Variants in CLDN18 observed in about 807,000 individuals in gnomAD.
CLDN18 encodes the protein claudin-18.
In CLDN18, 20 loss-of-function variants were observed where a neutral mutation model predicts 25.0. The ratio of observed to expected loss-of-function variants is 0.80; its 90% CI spans 0.56 to 1.16. CLDN18 has a LOEUF of 1.16. CLDN18 is among the 50% of genes most tolerant of loss of function. CLDN18 has a pLI of 0.00. For synonymous variants in CLDN18, 125 were observed against 135.6 expected, an observed-to-expected ratio of 0.92 and a Z score of 0.54; for missense variants, 297 against 345.4, an observed-to-expected ratio of 0.86 and a Z score of 1.11.
intron 3 of CLDN18, 80 bp from the exon 4 acceptor site, chr3:138,029,717 G>C: frequency 8.5e-6 from 7 of 827,882 alleles, no homozygotes; most frequent in Non-Finnish European, 1.3e-5. Flanking sequence ...GGGACAGAAA[G>C]AACAGGCACA....
At chr3:138,024,916 T>A (rs1942307624) in intron 3 of CLDN18, among the ~76,000 whole-genome samples, 192 bp downstream of exon 3, 1 of 152,260 alleles carries the variant, frequency 6.6e-6, no homozygotes, top group African/African-American at 2.4e-5. Context: ...TCCTTGGTGA[T>A]ATGACTTGAG....
At chr3:138,004,408 G>C (rs182822475) in intron 1 of CLDN18, among the ~76,000 whole-genome samples, 3 of 152,044 alleles carry the variant, frequency 2.0e-5, no homozygotes, top group East Asian at 1.9e-4. Flanking sequence ...GTTTCCCCAT[G>C]GGAACTTGAC....
At position 138,010,168 on chromosome 3, in the gene CLDN18, C is replaced by T; in HGVS notation, c.-58C>T. ...CCCTCAGGAGCGCGTTAGCTTCACA[C>T]CTTCGGCAGCAGGAGGGCGGCAGCT... On this transcript the variant is annotated 5_prime_UTR_variant, in exon 1 of 5. Transcript: ENST00000183605. 2 of 1,582,606 alleles carry T rather than the reference C, an allele frequency of 1.3e-6. No individual in the cohort carries two copies. The highest frequency in any genetic ancestry group is 1.8e-5 in the Admixed American group (1 of 56,700).
At chr3:138,005,033 GA>G (rs1408979170) in intron 1 of CLDN18, 1 of 151,886 alleles carries the variant, frequency 6.6e-6, no homozygotes, top group Admixed American at 6.6e-5. Context: ...TAATCAATGG[GA>G]AAAGATGTTT....
At chr3:138,013,058 G>C (rs915929649) in intron 1 of CLDN18, among the ~76,000 whole-genome samples, 17 of 152,218 alleles carry the variant, frequency 1.1e-4, no homozygotes, top group African/African-American at 4.1e-4. Context: ...GCCTGGTAGA[G>C]TGAGTATTTA....
In CLDN18 at chr3:138,024,675, G is replaced by A. The variant is rs1365403895; in HGVS notation, c.454G>A (p.Ala152Thr). Residue 152 changes from alanine (A) to threonine (T), a missense_variant, in exon 3 of 5, where the codon GCT becomes ACT. Ala to Thr is a moderately conservative substitution (Grantham distance 58). Transcript: ENST00000183605. ...GGTGACTAACTTCTGGATGTCCACA[G>A]CTAACATGTACACCGGCATGGGTGG... ...MLVTNFWMSTANMYTGMGGMV... is the reference protein window; with the variant it reads ...MLVTNFWMSTTNMYTGMGGMV... 2 of 1,613,812 alleles carry A rather than the reference G, an allele frequency of 1.2e-6. No individual in the cohort carries two copies. Among genetic ancestry groups the A allele is most frequent in the Admixed American group, 3.3e-5 (2 of 60,022 alleles).
At chr3:138,018,022 C>T (rs1942227980) in intron 1 of CLDN18, among the ~76,000 whole-genome samples, 1 of 152,138 alleles carries the variant, frequency 6.6e-6, no homozygotes, top group Non-Finnish European at 1.5e-5. Context: ...GCATCATGCC[C>T]TAGGATGGCC....
At chr3:138,015,132 T>A (rs1457877539) in intron 1 of CLDN18, among the ~76,000 whole-genome samples, 1 of 151,284 alleles carries the variant, frequency 6.6e-6, no homozygotes, top group Non-Finnish European at 1.5e-5. Flanking sequence ...ACTCCATCCA[T>A]CTCTAAAAAT....
chr3:138,000,487 G>A (rs962119238), intron 1 of CLDN18, among the ~76,000 whole-genome samples: 2 of 152,216 alleles, frequency 1.3e-5, no homozygotes, highest in African/African-American at 4.8e-5. Context: ...GGAGAGCAAT[G>A]GGTGCCAGGC....
chr3:138,004,382 CA>C (rs35115209), intron 1 of CLDN18, among the ~76,000 whole-genome samples: 16,269 of 151,942 alleles, frequency 0.11, 1,073 homozygotes, highest in Middle Eastern at 0.18. Flanking sequence ...GAATTCTTAT[CA>C]AAATACCGGC....
intron 1 of CLDN18, among the ~76,000 whole-genome samples, chr3:138,015,561 T>TACTGG: frequency 6.6e-6 from 1 of 152,306 alleles, no homozygotes; most frequent in East Asian, 1.9e-4. Context: ...ATACCTATAA[T>TACTGG]ACTTTAGTTA....
At chr3:137,999,785 T>G (rs1941996542) in intron 1 of CLDN18, among the ~76,000 whole-genome samples, 1 of 152,216 alleles carries the variant, frequency 6.6e-6, no homozygotes, top group African/African-American at 2.4e-5. Context: ...GATTGGCATA[T>G]TCAATACACA....
At chr3:138,004,260 C>A (rs1297513690) in intron 1 of CLDN18, among the ~76,000 whole-genome samples, 1 of 152,158 alleles carries the variant, frequency 6.6e-6, no homozygotes, top group Non-Finnish European at 1.5e-5. Flanking sequence ...GGTGAGGAAA[C>A]AGGCACAAAG....
chr3:138,019,698 G>C (rs969503468), intron 1 of CLDN18, among the ~76,000 whole-genome samples: 4 of 152,236 alleles, frequency 2.6e-5, no homozygotes, highest in African/African-American at 7.2e-5. Context: ...ACAAACATTA[G>C]TATTTCTTTA....
At chr3:138,022,652 C>A (rs889138080) in intron 1 of CLDN18, among the ~76,000 whole-genome samples, 3 of 152,224 alleles carry the variant, frequency 2.0e-5, no homozygotes, top group African/African-American at 7.2e-5. Context: ...CATCTCCACA[C>A]AGTTTTGCAG....
At chr3:138,021,119 C>T (rs1305420997) in intron 1 of CLDN18, among the ~76,000 whole-genome samples, 1 of 152,098 alleles carries the variant, frequency 6.6e-6, no homozygotes, top group Non-Finnish European at 1.5e-5. Context: ...CTGAAAATTC[C>T]TTACTAGCTT....
chr3:138,023,698 C>A lies in CLDN18; in HGVS notation c.261C>A (p.Ile87=). The A allele has an allele frequency of 6.2e-7, 1 of 1,614,060 alleles. No individual in the cohort carries two copies. Among genetic ancestry groups the A allele is most frequent in the South Asian group, 1.1e-5 (1 of 91,070 alleles). ...TGCGAGCCCTGATGATCGTAGGCAT[C>A]GTCCTGGGTGCCATTGGCCTCCTGG... ...QAVRALMIVG[I]VLGAIGLLVS... is the part of the protein sequence containing the mutation. The change falls in exon 2 of 5, where the codon ATC becomes ATA. Residue 87 remains isoleucine (I), a synonymous_variant. Transcript: ENST00000183605.
At chr3:138,011,698 A>C (rs1241330725) in intron 1 of CLDN18, among the ~76,000 whole-genome samples, 1 of 152,142 alleles carries the variant, frequency 6.6e-6, no homozygotes, top group Non-Finnish European at 1.5e-5. Context: ...TATTGTCCTC[A>C]TATTCAAAAT....
At chr3:138,015,791 G>T (rs1176859992) in intron 1 of CLDN18, among the ~76,000 whole-genome samples, 1 of 152,182 alleles carries the variant, frequency 6.6e-6, no homozygotes, top group Non-Finnish European at 1.5e-5. Context: ...CTTCCTAAGT[G>T]CAATCTCTGT....
Sources: allele counts gnomAD v4.1 joint callset (sites outside exome capture counted in the v4.1 genomes callset), GRCh38; gene constraint gnomAD v4.1.1; transcripts MANE v1.5; gene names NCBI Gene and HGNC (gene_info 2026-07-23, HGNC 2026-07-21).